The following HERC1 variants were observed in gnomAD, a reference collection of about 807,000 sequenced individuals.
HERC1 encodes the protein HECT and RLD domain containing E3 ubiquitin protein ligase family member 1.
In HERC1, 160 loss-of-function variants were observed where a neutral mutation model predicts 554.3. The ratio of observed to expected loss-of-function variants is 0.29; its 90% CI spans 0.25 to 0.33. HERC1 has a LOEUF of 0.33. Among genes scored for constraint, HERC1 ranks in the 10% least tolerant of loss-of-function variants. The pLI, the probability that HERC1 is intolerant of heterozygous loss-of-function variation, is 1.00. For synonymous variants in HERC1, 2,175 were observed against 2,131.7 expected, an observed-to-expected ratio of 1.02 and a Z score of -0.56; for missense variants, 4,919 against 5,918.5, an observed-to-expected ratio of 0.83 and a Z score of 5.54.
At chr15:63,746,028 T>C (rs545791361) in intron 12 of HERC1, among the ~76,000 whole-genome samples, 1 of 152,162 alleles carries the variant, frequency 6.6e-6, no homozygotes, top group Non-Finnish European at 1.5e-5. Context: ...TTTATTTTTT[T>C]AATTTCACTC....
At chr15:63,620,848 A>T (rs2152751216) in intron 74 of HERC1, among the ~76,000 whole-genome samples, 1 of 152,226 alleles carries the variant, frequency 6.6e-6, no homozygotes, top group Non-Finnish European at 1.5e-5. Flanking sequence ...TTTGCTTGGT[A>T]GATCTTCCTC....
At position 63,677,820 on chromosome 15, in the gene HERC1, A is replaced by G. The variant is rs1251362121; in HGVS notation, c.7070+25T>C. 34 of 1,590,420 alleles carry G rather than the reference A, an allele frequency of 2.1e-5. No homozygotes were observed. Among genetic ancestry groups the G allele is most frequent in the Non-Finnish European group, 2.7e-5 (32 of 1,165,368 alleles). On this transcript the variant is annotated intron_variant, in intron 37 of 77. Transcript: ENST00000443617. The surrounding 1 kb of genome is among the most constrained non-coding windows in gnomAD (Gnocchi z 4.4). ...TTTCACCATTAAATATTTGTTTGCT[A>G]AAAGTGTAACTCAACAGATCATACC... is the stretch of plus-strand genomic sequence containing the variant.
intron 66 of HERC1, among the ~76,000 whole-genome samples, 176 bp downstream of exon 66, chr15:63,634,557 A>T (rs2068698197): frequency 6.6e-6 from 1 of 152,214 alleles, no homozygotes; most frequent in African/African-American, 2.4e-5. Flanking sequence ...ACTTAAATTG[A>T]CTTAAAATAT....
rs555325055 is a variant in HERC1, at chr15:63,694,439, A to G, written c.5353T>C (p.Leu1785=). 5.0e-6 allele frequency: 8 copies of G among 1,614,026 alleles called. No individual in the cohort carries two copies. Among genetic ancestry groups the G allele is most frequent in the African/African-American group, 2.7e-5 (2 of 75,060 alleles). The change falls in exon 29 of 78, where the codon TTG becomes CTG. Residue 1785 remains leucine, a synonymous_variant. Transcript: ENST00000443617. The surrounding 1 kb of genome is among the most constrained non-coding windows in gnomAD (Gnocchi z 4.3). The part of the protein sequence containing the change: ...STGLLNVLSQ[L]CGTDTMLGQP... ...CCTAGCATGGTGTCTGTACCACACAACTGTGACAATACGTTTAGCAGACCA... is the reference window on the plus strand; with the variant it reads ...CCTAGCATGGTGTCTGTACCACACAGCTGTGACAATACGTTTAGCAGACCA...
chr15:63,716,261 T>C lies in HERC1; in HGVS notation c.4150+41A>G, dbSNP rs1375593282. On this transcript the variant is annotated intron_variant, in intron 22 of 77. Coordinates refer to ENST00000443617, the MANE Select transcript of HERC1 (RefSeq NM_003922.4). ...AAGTTAGTTCCCCTATCAAAAAGCA[T>C]GCCACAGTTTGTATCTAGAAAGTAA... 5.2e-6 allele frequency: 8 copies of C among 1,548,866 alleles called. No individual in the cohort carries two copies. The Admixed American group carries it at 1.2e-4, about 23-fold the overall frequency.
chr15:63,805,452 C>T (rs1485881274), intron 1 of HERC1, among the ~76,000 whole-genome samples: 1 of 152,090 alleles, frequency 6.6e-6, no homozygotes, highest in Non-Finnish European at 1.5e-5. Context: ...TGATAAAAAG[C>T]ACATCAGTTG....
At chr15:63,648,728 G>C (rs1221294424) in intron 54 of HERC1, among the ~76,000 whole-genome samples, 1 of 152,112 alleles carries the variant, frequency 6.6e-6, no homozygotes, top group East Asian at 1.9e-4. Context: ...TATCTGTGAG[G>C]GTAGAATGGG....
In HERC1 at chr15:63,624,257, G is replaced by C. The variant is rs1348842212; in HGVS notation, c.13346C>G (p.Pro4449Arg). The change falls in exon 72 of 78, where the codon CCA (proline) becomes CGA (arginine). Residue 4449 changes from proline (P) to arginine (R), a missense_variant. Coordinates refer to ENST00000443617, the MANE Select transcript of HERC1 (RefSeq NM_003922.4). The part of the protein sequence containing the change: ...VQGQLRPLLA[P>R]RVYTLPMVRS... ...CACCATTGGCAGAGTGTAGACTCTT[G>C]GGGCTAACAAAGGCCGAAGTTGTCC... 1 of 1,613,736 alleles carries C rather than the reference G, an allele frequency of 6.2e-7. No individual in the cohort carries two copies. The highest frequency in any genetic ancestry group is 1.3e-5 in the African/African-American group (1 of 74,928).
rs763014582 is a variant in HERC1 at position 63,616,484 on chromosome 15, G to C, written c.13887C>G (p.Leu4629=). ...TGTCTTCAATGTGAAGAATGCTGTT[G>C]AGAGTCTGCACGTAGAGCAGATCCA... ...EEVDLLYVQT[L]NSILHIEDSG... Residue 4629 remains leucine (L), a synonymous_variant, in exon 75 of 78, where the codon CTC becomes CTG. Transcript: ENST00000443617. 2 of 1,614,000 alleles carry C rather than the reference G, an allele frequency of 1.2e-6. No homozygotes were observed. Among genetic ancestry groups the C allele is most frequent in the South Asian group, 2.2e-5 (2 of 91,074 alleles).
chr15:63,666,469 A>G lies in HERC1; in HGVS notation c.8210T>C (p.Leu2737Ser). Residue 2737 changes from leucine (L) to serine (S), a missense_variant, in exon 41 of 78, where the codon TTG becomes TCG. Transcript: ENST00000443617. ...TGAAAGTCTACTGCTTGGGTCTGAC[A>G]AGGCTGAGACAAAAGGAAGAGAAAT... ...QSARPANRTALSDPSSRLSTS... is the reference protein window; with the variant it reads ...QSARPANRTASSDPSSRLSTS... 1 of 1,593,992 alleles carries G rather than the reference A, an allele frequency of 6.3e-7. No individual in the cohort carries two copies. The highest frequency in any genetic ancestry group is 8.6e-7 in the Non-Finnish European group (1 of 1,165,882).
Position 63,666,450 on chromosome 15 carries a change from T to C in HERC1, c.8229A>G (p.Arg2743=). ...CTGGAGGAGGAGGAGAAGTTGAAAG[T>C]CTACTGCTTGGGTCTGACAAGGCTG... ...NRTALSDPSS[R]LSTSPPPPAI... is the part of the protein sequence containing the mutation. Residue 2743 remains arginine, a synonymous_variant, in exon 41 of 78, where the codon AGA becomes AGG. Coordinates refer to ENST00000443617, the MANE Select transcript of HERC1 (RefSeq NM_003922.4). The C allele has an allele frequency of 6.2e-7, 1 of 1,612,898 alleles. No individual in the cohort carries two copies.
intron 5 of HERC1, among the ~76,000 whole-genome samples, chr15:63,755,834 A>G (rs938255123): frequency 6.6e-6 from 1 of 152,126 alleles, no homozygotes; most frequent in African/African-American, 2.4e-5. Context: ...TAATAAAAAG[A>G]GAAGATATGA....
rs752822516 is a variant in HERC1, at chr15:63,633,983, C to A, written c.12571-13G>T. ...ATCCACAGGCCACCTAAAGAAATAA[C>A]AGCATTCCGTAAGGCAAATCACAAG... On this transcript the variant is annotated splice_polypyrimidine_tract_variant and intron_variant, in intron 66 of 77. Coordinates refer to ENST00000443617, the MANE Select transcript of HERC1 (RefSeq NM_003922.4). The A allele has an allele frequency of 1.9e-6, 3 of 1,613,276 alleles. No homozygotes were observed. The South Asian group carries it at 3.3e-5, about 18-fold the overall frequency.
intron 27 of HERC1, among the ~76,000 whole-genome samples, 155 bp downstream of exon 27, chr15:63,695,969 G>T (rs537742521): frequency 6.6e-6 from 1 of 152,092 alleles, no homozygotes; most frequent in Admixed American, 6.5e-5. Context: ...AATCTCTACT[G>T]CATTATTTAG....
chr15:63,801,845 C>T (rs2076998808), intron 1 of HERC1, among the ~76,000 whole-genome samples: 1 of 152,172 alleles, frequency 6.6e-6, no homozygotes, highest in African/African-American at 2.4e-5. Context: ...CCCAGCAACT[C>T]CCAAGGCTTT....
In HERC1 at chr15:63,641,565, G is replaced by T. The variant is rs762097769; in HGVS notation, c.11512C>A (p.Gln3838Lys). The T allele has an allele frequency of 1.2e-6, 2 of 1,609,346 alleles. No homozygotes were observed. Among genetic ancestry groups the T allele is most frequent in the Non-Finnish European group, 8.5e-7 (1 of 1,177,572 alleles). The change falls in exon 60 of 78, where the codon CAG becomes AAG. Residue 3838 changes from glutamine to lysine, a missense_variant. Around this residue, in one of 11 missense-constraint regions of HERC1, gnomAD observed 1,963 missense variants for 2,228.6 expected, o/e 0.88. Coordinates refer to ENST00000443617, the MANE Select transcript of HERC1 (RefSeq NM_003922.4). ...ATGTTCAATCCCAGAACACCCTGCT[G>T]TTTCAATGCTGTCCTACAGGTTGCC... Reference protein sequence around the residue: ...VLATCRTALKQQGVLGLNMAP... With the variant: ...VLATCRTALKKQGVLGLNMAP...
chr15:63,730,373 C>G (rs2074241134), intron 14 of HERC1, among the ~76,000 whole-genome samples: 1 of 151,692 alleles, frequency 6.6e-6, no homozygotes, highest in Admixed American at 6.6e-5. Context: ...GTGGGAGGAC[C>G]ACTTGAGCCC....
At chr15:63,730,665 T>C (rs1295610359) in intron 14 of HERC1, among the ~76,000 whole-genome samples, 1 of 152,220 alleles carries the variant, frequency 6.6e-6, no homozygotes, top group Non-Finnish European at 1.5e-5. Flanking sequence ...TATTCTCTTG[T>C]TACATAAGAA....
intron 1 of HERC1, among the ~76,000 whole-genome samples, chr15:63,830,166 T>C (rs1596345458): frequency 6.6e-6 from 1 of 152,170 alleles, no homozygotes; most frequent in East Asian, 1.9e-4. Context: ...TCCCCCAAGA[T>C]ATGTATGAAC....
Sources: gnomAD v4.1 joint callset for allele counts (sites outside exome capture counted in the v4.1 genomes callset) on GRCh38, gnomAD v4.1.1 for gene constraint, gnomAD v4.1.1 regional missense constraint, Gnocchi (gnomAD v3.1) non-coding constraint, MANE v1.5 for transcripts, NCBI Gene and HGNC (gene_info 2026-07-23, HGNC 2026-07-21) for gene names.